Variants in ZNF587 observed in about 807,000 individuals in gnomAD.
The protein encoded by ZNF587 is zinc finger protein zfp6.
Under a neutral mutation model 7.5 loss-of-function variants are expected in ZNF587, and 8 were observed. The observed-to-expected ratio is 1.06, with a 90% confidence interval of 0.62 to 1.92. The LOEUF (loss-of-function observed/expected upper bound fraction) is 1.92, where lower values mean the gene tolerates loss of function less well. Among genes scored for constraint, ZNF587 ranks in the 40% most tolerant of loss-of-function variants. The pLI is 0.00. For missense variants in ZNF587, 468 were observed against 692.8 expected (o/e 0.68, Z 3.64); for synonymous variants, 145 against 237.8 (o/e 0.61, Z 3.59).
chr19:57,852,561 T>G (rs1254323719), intron 1 of ZNF587, among the ~76,000 whole-genome samples: 6 of 150,630 alleles, frequency 4.0e-5, no homozygotes, highest in Non-Finnish European at 2.9e-5. Flanking sequence ...AATTTCAGTC[T>G]TGTTGCCCAG....
At chr19:57,855,992 C>T in intron 1 of ZNF587, 112 bp from the exon 2 acceptor site, 2 of 1,534,506 alleles carry the variant, frequency 1.3e-6, no homozygotes, top group South Asian at 1.3e-5. Flanking sequence ...GTGGTTTCAA[C>T]TCCGTGTTGG....
rs964627237 is a variant in ZNF587 at position 57,864,899 on chromosome 19, C to T, written c.*4759C>T. 1 of 152,028 alleles carries T rather than the reference C, an allele frequency of 6.6e-6. No homozygotes were observed. Among genetic ancestry groups the T allele is most frequent in the African/African-American group, 2.4e-5 (1 of 41,378 alleles). 9.4% of individuals were successfully genotyped at this position (152,028 alleles called of 1,614,324 possible). A position where few individuals can be genotyped will look rare whatever the true frequency, so the allele number is the denominator to read the frequency against. The stretch of plus-strand genomic sequence containing the variant: ...CCGAGATGGTGCCATCGCACTCTAG[C>T]CTGGGGAATAGAGTGAGATCCTGCC... On this transcript the variant is annotated 3_prime_UTR_variant, in exon 3 of 3. Coordinates refer to ENST00000339656, the MANE Select transcript of ZNF587 (RefSeq NM_032828.4).
At position 57,849,965 on chromosome 19, in the gene ZNF587, C is replaced by T. The variant is rs1475801945; in HGVS notation, c.-74C>T. The T allele has an allele frequency of 6.2e-7, 1 of 1,613,516 alleles. No individual in the cohort carries two copies. The highest frequency in any genetic ancestry group is 1.3e-5 in the African/African-American group (1 of 75,062). On this transcript the variant is annotated 5_prime_UTR_variant, in exon 1 of 3. Transcript: ENST00000339656. ...CTAGAAGGTGGAGAGGAATCGTCCT[C>T]GGTGCCCAGAGGCGGCTCTGCAGCC...
chr19:57,864,726 TCAAA>T lies in ZNF587; in HGVS notation c.*4591_*4594del, dbSNP rs1379601999. The T allele has an allele frequency of 6.6e-6, 1 of 152,158 alleles. No individual in the cohort carries two copies. The highest frequency in any genetic ancestry group is 1.9e-4 in the East Asian group (1 of 5,200). The allele number at this position is 152,158 out of a possible 1,614,324, so 9.4% of individuals were successfully genotyped here. A position where few individuals can be genotyped will look rare whatever the true frequency, so the allele number is the denominator to read the frequency against. On this transcript the variant is annotated 3_prime_UTR_variant, in exon 3 of 3. Coordinates refer to ENST00000339656, the MANE Select transcript of ZNF587 (RefSeq NM_032828.4). Reference sequence around the variant, plus strand: ...TATCTAGAAGTTTAAAAGGGCTCGTTCAAACAAATTATGACCACACACACTGAAG... The same window carrying T: ...TATCTAGAAGTTTAAAAGGGCTCGTTCAAATTATGACCACACACACTGAAG...
chr19:57,856,983 A>C (rs1294534968), intron 2 of ZNF587: 1 of 151,924 alleles, frequency 6.6e-6, no homozygotes, highest in Non-Finnish European at 1.5e-5. Flanking sequence ...TCTTCTTGCA[A>C]GACCCTGCTT....
chr19:57,851,992 T>TTGTAA (rs1182434605), intron 1 of ZNF587: 2 of 214,872 alleles, frequency 9.3e-6, no homozygotes, highest in African/African-American at 4.6e-5. Flanking sequence ...TGTGACATGT[T>TTGTAA]TGTAATGTCT....
rs745354746 is a variant in ZNF587, at chr19:57,859,261, T to G, written c.849T>G (p.Leu283=). The G allele has an allele frequency of 1.3e-6, 2 of 1,596,410 alleles. No homozygotes were observed. Among genetic ancestry groups the G allele is most frequent in the Middle Eastern group, 1.7e-4 (1 of 6,014 alleles). Residue 283 remains leucine, a synonymous_variant, in exon 3 of 3, where the codon CTT becomes CTG. Transcript: ENST00000339656. ...CGKSYSRKSS[L]IQHQRVHTGQ... The stretch of plus-strand genomic sequence containing the variant: ...AATCTTATAGTCGAAAGAGCAGCCT[T>G]ATTCAACATCAGCGAGTCCACACTG...
At chr19:57,853,338 A>G (rs1383231013) in intron 1 of ZNF587, among the ~76,000 whole-genome samples, 1 of 152,228 alleles carries the variant, frequency 6.6e-6, no homozygotes, top group Non-Finnish European at 1.5e-5. Flanking sequence ...TCAGAGACCA[A>G]TAAGTGGTGG....
In ZNF587 at chr19:57,853,368, C is replaced by T. The variant is rs535264280; in HGVS notation, c.34-2736C>T. Among the ~76,000 whole-genome samples, 6 of 152,296 alleles carry T rather than the reference C, an allele frequency of 3.9e-5. No homozygotes were observed. In the South Asian group the frequency reaches 1.2e-3, roughly 32 times the overall value. Reference sequence around the variant, plus strand: ...TGGTGGCATCAAATCGATAACTAGACATACTGGATGGGGTATCTGGGAGGG... The same window carrying T: ...TGGTGGCATCAAATCGATAACTAGATATACTGGATGGGGTATCTGGGAGGG... On this transcript the variant is annotated intron_variant, in intron 1 of 2. Coordinates refer to ENST00000339656, the MANE Select transcript of ZNF587 (RefSeq NM_032828.4).
rs2071423712 is a variant in ZNF587, at chr19:57,860,792, G to C, written c.*652G>C. On this transcript the variant is annotated 3_prime_UTR_variant, in exon 3 of 3. Transcript: ENST00000339656. Reference sequence around the variant, plus strand: ...GAAACTGCTATATTTGAATGCAGTTGTTCATGTAGGTATGTTTCACTATGG... The same window carrying C: ...GAAACTGCTATATTTGAATGCAGTTCTTCATGTAGGTATGTTTCACTATGG... The C allele has an allele frequency of 6.5e-6, 1 of 153,506 alleles. No individual in the cohort carries two copies. Among genetic ancestry groups the C allele is most frequent in the South Asian group, 2.0e-4 (1 of 4,918 alleles). The allele number at this position is 153,506 out of a possible 1,614,324, so 9.5% of individuals were successfully genotyped here.
rs1210255230 is a variant in ZNF587, at chr19:57,858,417, A to G, written c.164-159A>G. The G allele has an allele frequency of 6.8e-5, 98 of 1,436,060 alleles. 1 individual carries two copies. In the African/African-American group the frequency reaches 9.0e-4, roughly 13 times the overall value. 89.0% of individuals were successfully genotyped at this position (1,436,060 alleles called of 1,614,324 possible). A position where few individuals can be genotyped will look rare whatever the true frequency, so the allele number is the denominator to read the frequency against. ...GCTGGGATTACAGGTGTGAGCCACC[A>G]TGCCCAGCCAGCAGCCCCATCTTCA... On this transcript the variant is annotated intron_variant, in intron 2 of 2. Coordinates refer to ENST00000339656, the MANE Select transcript of ZNF587 (RefSeq NM_032828.4).
chr19:57,861,867 T>C lies in ZNF587; in HGVS notation c.*1727T>C, dbSNP rs2071437449. ...GGCCCACTGCAACCTCCACCTCCTG[T>C]GTTCAAGCGATTCTGCCTCAGCCTC... On this transcript the variant is annotated 3_prime_UTR_variant, in exon 3 of 3. Transcript: ENST00000339656. The C allele has an allele frequency of 6.8e-6, 1 of 146,982 alleles. No individual in the cohort carries two copies. Among genetic ancestry groups the C allele is most frequent in the Non-Finnish European group, 1.5e-5 (1 of 67,312 alleles). 9.1% of individuals were successfully genotyped at this position (146,982 alleles called of 1,614,324 possible).
At position 57,863,043 on chromosome 19, in the gene ZNF587, C is replaced by A. The variant is rs913533656; in HGVS notation, c.*2903C>A. The A allele has an allele frequency of 3.3e-5, 5 of 152,940 alleles. No individual in the cohort carries two copies. Among genetic ancestry groups the A allele is most frequent in the Admixed American group, 6.5e-5 (1 of 15,284 alleles). 9.5% of individuals were successfully genotyped at this position (152,940 alleles called of 1,614,324 possible). On this transcript the variant is annotated 3_prime_UTR_variant, in exon 3 of 3. Coordinates refer to ENST00000339656, the MANE Select transcript of ZNF587 (RefSeq NM_032828.4). Reference sequence around the variant, plus strand: ...TCTCGGCTCACTGCAACTCCACCTCCCGGGTTCACGCCATTCTCTTGCCTC... The same window carrying A: ...TCTCGGCTCACTGCAACTCCACCTCACGGGTTCACGCCATTCTCTTGCCTC...
chr19:57,850,191 C>T (rs1157494702), intron 1 of ZNF587, 120 bp downstream of exon 1: 1 of 1,581,996 alleles, frequency 6.3e-7, no homozygotes, highest in East Asian at 2.3e-5. Flanking sequence ...AACACTGAGG[C>T]GCTCACAGGA....
intron 1 of ZNF587, 189 bp from the exon 2 acceptor site, chr19:57,855,915 C>A: frequency 3.0e-6 from 3 of 991,464 alleles, no homozygotes; most frequent in Non-Finnish European, 2.9e-6. Flanking sequence ...CCTATTTGTC[C>A]ACCTACTTCT....
chr19:57,852,273 G>A (rs1483449120), intron 1 of ZNF587: 1 of 398,290 alleles, frequency 2.5e-6, no homozygotes, highest in African/African-American at 2.1e-5. Flanking sequence ...GATTAACCCA[G>A]GATTTGCTAC....
chr19:57,852,020 C>T (rs1328906939), intron 1 of ZNF587: 6 of 266,894 alleles, frequency 2.2e-5, no homozygotes, highest in Non-Finnish European at 4.2e-5. Context: ...CCCTCAGGCA[C>T]TCCTGGCTGC....
rs532217895 is a variant in ZNF587 at position 57,865,082 on chromosome 19, T to C, written c.*4942T>C. 4.0e-4 allele frequency: 61 copies of C among 152,380 alleles called. No individual in the cohort carries two copies. Among genetic ancestry groups the C allele is most frequent in the African/African-American group, 1.4e-3 (60 of 41,592 alleles). 9.4% of individuals were successfully genotyped at this position (152,380 alleles called of 1,614,324 possible). A position where few individuals can be genotyped will look rare whatever the true frequency, so the allele number is the denominator to read the frequency against. Reference sequence around the variant, plus strand: ...TGAAGTTAATCTTCCTGCTTGTATGTGAATTAAATATATGTCAAACTTTTT... The same window carrying C: ...TGAAGTTAATCTTCCTGCTTGTATGCGAATTAAATATATGTCAAACTTTTT... On this transcript the variant is annotated 3_prime_UTR_variant, in exon 3 of 3. Coordinates refer to ENST00000339656, the MANE Select transcript of ZNF587 (RefSeq NM_032828.4).
Position 57,856,242 on chromosome 19 carries a change from C to G in ZNF587, c.163+9C>G. The G allele has an allele frequency of 5.8e-6, 9 of 1,561,582 alleles. No individual in the cohort carries two copies. The highest frequency in any genetic ancestry group is 7.8e-6 in the Non-Finnish European group (9 of 1,153,280). On this transcript the variant is annotated intron_variant, in intron 2 of 2. Coordinates refer to ENST00000339656, the MANE Select transcript of ZNF587 (RefSeq NM_032828.4). Reference sequence around the variant, plus strand: ...TCTCATATCCTCGCTGGGTAAGTTGCTCACGCTCACCTTTGTGACCTGAGC... The same window carrying G: ...TCTCATATCCTCGCTGGGTAAGTTGGTCACGCTCACCTTTGTGACCTGAGC...
Sources: gnomAD v4.1 joint callset for allele counts (sites outside exome capture counted in the v4.1 genomes callset) on GRCh38, gnomAD v4.1.1 for gene constraint, MANE v1.5 for transcripts, NCBI Gene and HGNC (gene_info 2026-07-23, HGNC 2026-07-21) for gene names.